SREK1IP1: variants seen among roughly 807,000 people sequenced by gnomAD.
SREK1IP1 encodes the protein protein SREK1IP1.
SREK1IP1 carries 12 observed loss-of-function variants against 22.8 expected under a neutral mutation model. The observed-to-expected ratio is 0.53, with a 90% CI of 0.34 to 0.85. SREK1IP1 has a LOEUF of 0.85. Ranked by LOEUF, SREK1IP1 falls within the 40% of genes least tolerant of loss-of-function variation. The probability of loss-of-function intolerance (pLI) is 0.02; values close to 1 mark genes in which losing one functional copy is unlikely to be tolerated. For synonymous variants in SREK1IP1, 53 were observed against 52.7 expected (o/e 1.01, Z -0.02); for missense variants, 147 against 171.8 (o/e 0.86, Z 0.81).
intron 3 of SREK1IP1, among the ~76,000 whole-genome samples, chr5:64,736,778 T>C (rs1293245142): frequency 6.6e-6 from 1 of 151,984 alleles, no homozygotes; most frequent in Non-Finnish European, 1.5e-5. Context: ...TTAGAATTTT[T>C]ATATTCTCTT....
chr5:64,727,161 T>C (rs1406795249), intron 4 of SREK1IP1, among the ~76,000 whole-genome samples: 2 of 152,086 alleles, frequency 1.3e-5, no homozygotes. Flanking sequence ...CTATAAAAAC[T>C]ACAAAGTGGC....
intron 3 of SREK1IP1, among the ~76,000 whole-genome samples, chr5:64,737,099 C>T (rs139426050): frequency 1.2e-3 from 184 of 152,086 alleles, no homozygotes; most frequent in African/African-American, 3.5e-3. Context: ...CTAATAAAAA[C>T]AAAATATACA....
chr5:64,766,199 A>C (rs1420327123), intron 1 of SREK1IP1, among the ~76,000 whole-genome samples: 1 of 152,224 alleles, frequency 6.6e-6, no homozygotes, highest in Admixed American at 6.5e-5. Flanking sequence ...TACAAATTAT[A>C]TCTCTTACTA....
rs955037204 is a variant in SREK1IP1, at chr5:64,719,672, G to A, written c.*4712C>T. ...GCACAAGAAGCAAGAAACAGACAGA[G>A]CTAGCAAAATGCTCACTGCCCCAAC... On this transcript the variant is annotated 3_prime_UTR_variant, in exon 5 of 5. Transcript: ENST00000513458. The A allele has an allele frequency of 1.3e-5, 2 of 152,214 alleles. No individual in the cohort carries two copies. The highest frequency in any genetic ancestry group is 4.8e-5 in the African/African-American group (2 of 41,450). 9.4% of individuals were successfully genotyped at this position (152,214 alleles called of 1,614,324 possible).
chr5:64,748,210 T>C (rs1742677151), intron 2 of SREK1IP1, among the ~76,000 whole-genome samples: 1 of 152,168 alleles, frequency 6.6e-6, no homozygotes, highest in Non-Finnish European at 1.5e-5. Flanking sequence ...GGATGAACTA[T>C]GAAAACATTA....
rs544268569 is a variant in SREK1IP1 at position 64,747,926 on chromosome 5, C to G, written c.61+6389G>C. Among the ~76,000 whole-genome samples, 50 of 150,158 alleles carry G rather than the reference C, an allele frequency of 3.3e-4. No individual in the cohort carries two copies. The South Asian group carries it at 0.01, about 31-fold the overall frequency. ...CCAGCCTGGGTGACAGAGCGAGACT[C>G]CACCTCAAAAAAAAAGAAAACCAGT... On this transcript the variant is annotated intron_variant, in intron 2 of 4. Transcript: ENST00000513458.
intron 1 of SREK1IP1, among the ~76,000 whole-genome samples, chr5:64,757,784 T>C (rs1051707474): frequency 6.6e-6 from 1 of 151,874 alleles, no homozygotes; most frequent in Non-Finnish European, 1.5e-5. Context: ...TAAAATGTCA[T>C]ACTTATTGTA....
At chr5:64,736,185 T>C (rs1385388370) in intron 3 of SREK1IP1, among the ~76,000 whole-genome samples, 3 of 152,084 alleles carry the variant, frequency 2.0e-5, no homozygotes, top group African/African-American at 7.3e-5. Context: ...TGGCCCAGAA[T>C]CAGGTCTATC....
chr5:64,747,169 A>C (rs575341695), intron 2 of SREK1IP1, among the ~76,000 whole-genome samples: 51 of 152,260 alleles, frequency 3.3e-4, no homozygotes, highest in Admixed American at 7.2e-4. Flanking sequence ...GTTTTTATGA[A>C]GGCCCCATTA....
rs1315781927 is a variant in SREK1IP1 at position 64,721,866 on chromosome 5, T to C, written c.*2518A>G. The stretch of plus-strand genomic sequence containing the variant: ...GAATTTTAAAATATTGATAATTATA[T>C]ATATTAAACCTTGAAGTGATTTCAG... On this transcript the variant is annotated 3_prime_UTR_variant, in exon 5 of 5. Transcript: ENST00000513458. 6.6e-6 allele frequency: 1 copy of C among 152,178 alleles called. No homozygotes were observed. The highest frequency in any genetic ancestry group is 6.5e-5 in the Admixed American group (1 of 15,274). The allele number at this position is 152,178 out of a possible 1,614,324, so 9.4% of individuals were successfully genotyped here.
At chr5:64,743,484 G>A (rs1048792970) in intron 2 of SREK1IP1, among the ~76,000 whole-genome samples, 1 of 152,154 alleles carries the variant, frequency 6.6e-6, no homozygotes, top group Non-Finnish European at 1.5e-5. Context: ...GTTATTTGTT[G>A]AAAAGGGTTC....
At chr5:64,745,163 A>G (rs1363904272) in intron 2 of SREK1IP1, among the ~76,000 whole-genome samples, 2 of 151,968 alleles carry the variant, frequency 1.3e-5, no homozygotes, top group Non-Finnish European at 2.9e-5. Context: ...TTTCCCTTTC[A>G]TTCTTTTGAG....
chr5:64,728,833 A>G (rs1355616006), intron 3 of SREK1IP1, among the ~76,000 whole-genome samples: 1 of 152,204 alleles, frequency 6.6e-6, no homozygotes, highest in African/African-American at 2.4e-5. Flanking sequence ...ATTGTTAGAA[A>G]CAATAAGCAA....
chr5:64,767,983 C>T (rs1468056689), intron 1 of SREK1IP1, among the ~76,000 whole-genome samples: 4 of 152,124 alleles, frequency 2.6e-5, no homozygotes, highest in Non-Finnish European at 4.4e-5. Flanking sequence ...AACAAAGCTC[C>T]TTCTTTTTAT....
chr5:64,728,089 ATGTTGTT>A lies in SREK1IP1; in HGVS notation c.278+11_278+17del. On this transcript the variant is annotated intron_variant, in intron 4 of 4. Transcript: ENST00000513458. ...TCATAGGCCTGCTTTGTTTTTTAAA[ATGTTGTT>A]CAAAAAATACCTTTTCCTTTTTTTT... 1 of 1,356,602 alleles carries A rather than the reference ATGTTGTT, an allele frequency of 7.4e-7. No individual in the cohort carries two copies. The highest frequency in any genetic ancestry group is 9.6e-7 in the Non-Finnish European group (1 of 1,044,514). The allele number at this position is 1,356,602 out of a possible 1,614,324, so 84.0% of individuals were successfully genotyped here. A position where few individuals can be genotyped will look rare whatever the true frequency, so the allele number is the denominator to read the frequency against.
chr5:64,753,027 T>G (rs2112106966), intron 2 of SREK1IP1, among the ~76,000 whole-genome samples: 1 of 152,354 alleles, frequency 6.6e-6, no homozygotes, highest in East Asian at 1.9e-4. Context: ...CTGACTTGGC[T>G]TCTCCTAAAG....
chr5:64,732,398 A>G (rs1469738894), intron 3 of SREK1IP1, among the ~76,000 whole-genome samples: 1 of 152,222 alleles, frequency 6.6e-6, no homozygotes. Flanking sequence ...AGAAGAAAAA[A>G]TAAACATACA....
intron 1 of SREK1IP1, among the ~76,000 whole-genome samples, chr5:64,756,539 T>C (rs1742844876): frequency 6.6e-6 from 1 of 152,258 alleles, no homozygotes; most frequent in African/African-American, 2.4e-5. Flanking sequence ...TATGCACATA[T>C]AGTTAAAACT....
At chr5:64,725,852 T>G (rs1742253751) in intron 4 of SREK1IP1, among the ~76,000 whole-genome samples, 2 of 146,330 alleles carry the variant, frequency 1.4e-5, no homozygotes, top group African/African-American at 2.7e-5. Context: ...TTTTTTTTTT[T>G]GTTTGTTTCT....
Sources: gnomAD v4.1 joint callset for allele counts (sites outside exome capture counted in the v4.1 genomes callset) on GRCh38, gnomAD v4.1.1 for gene constraint, MANE v1.5 for transcripts, NCBI Gene and HGNC (gene_info 2026-07-23, HGNC 2026-07-21) for gene names.